Variants in G3BP2 observed in about 807,000 individuals in gnomAD.
G3BP2 encodes ras GTPase-activating protein-binding protein 2.
A neutral mutation model predicts 56.7 loss-of-function variants in G3BP2; 11 were observed. The observed-to-expected ratio is 0.19, with a 90% CI of 0.12 to 0.32. G3BP2 has a LOEUF of 0.32. Ranked by LOEUF, G3BP2 falls within the 10% of genes least tolerant of loss-of-function variation. The pLI is 1.00. For synonymous variants in G3BP2, 165 were observed against 191.6 expected, an observed-to-expected ratio of 0.86 and a Z score of 1.15; for missense variants, 340 against 610.9, an observed-to-expected ratio of 0.56 and a Z score of 4.67.
At position 75,673,279 on chromosome 4, in the gene G3BP2, T is replaced by C. The variant is rs879145741; in HGVS notation, c.-96A>G. 2 of 1,198,988 alleles carry C rather than the reference T, an allele frequency of 1.7e-6. No homozygotes were observed. Among genetic ancestry groups the C allele is most frequent in the African/African-American group, 3.2e-5 (2 of 62,740 alleles). The allele number at this position is 1,198,988 out of a possible 1,614,324, so 74.3% of individuals were successfully genotyped here. ...GTCGCTGAGGACCGGGTGCGGCGGG[T>C]TCTTATTGCTCGCCGCCCCCTTCCT... On this transcript the variant is annotated 5_prime_UTR_variant, in exon 1 of 12. Coordinates refer to ENST00000359707, the MANE Select transcript of G3BP2 (RefSeq NM_203505.3).
chr4:75,678,432 C>A, intron 3 of G3BP2, among the ~76,000 whole-genome samples: 1 of 152,196 alleles, frequency 6.6e-6, no homozygotes, highest in East Asian at 1.9e-4. Context: ...GTTGAGATTA[C>A]GGGCATGAGC....
intron 1 of G3BP2, 157 bp downstream of exon 1, chr4:75,673,051 C>A (rs1203390240): frequency 2.2e-5 from 22 of 998,622 alleles, no homozygotes; most frequent in Non-Finnish European, 2.6e-5. Flanking sequence ...CTCACGCACA[C>A]ACGGCACCGT....
At chr4:75,712,437 C>A (rs191297064) in intron 3 of G3BP2, among the ~76,000 whole-genome samples, 56 of 152,216 alleles carry the variant, frequency 3.7e-4, no homozygotes, top group African/African-American at 1.0e-3. Context: ...TTACTGCCAA[C>A]TGGTATTAAA....
chr4:75,671,482 G>C (rs1461670046), intron 1 of G3BP2, among the ~76,000 whole-genome samples: 2 of 152,152 alleles, frequency 1.3e-5, no homozygotes, highest in African/African-American at 2.4e-5. Context: ...AGTTAAGTTA[G>C]TTACTCTACG....
chr4:75,690,126 C>T (rs371289830), intron 3 of G3BP2, among the ~76,000 whole-genome samples: 9 of 152,070 alleles, frequency 5.9e-5, no homozygotes, highest in African/African-American at 1.2e-4. Flanking sequence ...TTCAATAAAG[C>T]GCCTGGGTTA....
At chr4:75,687,857 G>A (rs1027662470) in intron 3 of G3BP2, among the ~76,000 whole-genome samples, 38 of 152,186 alleles carry the variant, frequency 2.5e-4, no homozygotes, top group African/African-American at 8.9e-4. Context: ...TGTGGAACAT[G>A]GGCCATACAA....
At position 75,673,309 on chromosome 4, in the gene G3BP2, CAACTCGGAA is replaced by C; in HGVS notation, c.-135_-127del. On this transcript the variant is annotated 5_prime_UTR_variant, in exon 1 of 12. Transcript: ENST00000359707. ...ATTGCTCGCCGCCCCCTTCCTCCGA[CAACTCGGAA>C]GCCTCGGAAGCCGGAGAGCCGCGAG... 1 of 1,229,356 alleles carries C rather than the reference CAACTCGGAA, an allele frequency of 8.1e-7. No homozygotes were observed. The highest frequency in any genetic ancestry group is 1.0e-6 in the Non-Finnish European group (1 of 986,552). 76.2% of individuals were successfully genotyped at this position (1,229,356 alleles called of 1,614,324 possible). A position where few individuals can be genotyped will look rare whatever the true frequency, so the allele number is the denominator to read the frequency against.
At chr4:75,717,749 G>A (rs1039288257) in intron 3 of G3BP2, among the ~76,000 whole-genome samples, 1 of 152,154 alleles carries the variant, frequency 6.6e-6, no homozygotes, top group Non-Finnish European at 1.5e-5. Flanking sequence ...GGTGTTGGGG[G>A]AGAGACAATG....
At chr4:75,704,899 C>A (rs1171680341) in intron 3 of G3BP2, among the ~76,000 whole-genome samples, 1 of 152,194 alleles carries the variant, frequency 6.6e-6, no homozygotes, top group Admixed American at 6.5e-5. Flanking sequence ...TCCCAAAGTG[C>A]TAGGATTACA....
intron 8 of G3BP2, among the ~76,000 whole-genome samples, chr4:75,650,157 A>G (rs562435994): frequency 6.3e-4 from 95 of 151,828 alleles, no homozygotes; most frequent in Non-Finnish European, 1.2e-3. Context: ...TCCTTCAGCC[A>G]GGCACAGTAG....
At chr4:75,674,301 A>G (rs1733743612), upstream of G3BP2, among the ~76,000 whole-genome samples, 2 of 152,236 alleles carry the variant, frequency 1.3e-5, no homozygotes, top group Non-Finnish European at 1.5e-5. Context: ...GAAAAAATAC[A>G]TTAATGAATG....
chr4:75,657,637 C>T lies in G3BP2; in HGVS notation c.271G>A (p.Val91Ile). 1.9e-6 allele frequency: 3 copies of T among 1,613,178 alleles called. No individual in the cohort carries two copies. Among genetic ancestry groups the T allele is most frequent in the Non-Finnish European group, 2.5e-6 (3 of 1,179,124 alleles). The change falls in exon 4 of 12, where the codon GTT becomes ATT. Residue 91 changes from valine to isoleucine, a missense_variant. Val to Ile is a conservative substitution (Grantham distance 29). Coordinates refer to ENST00000359707, the MANE Select transcript of G3BP2 (RefSeq NM_203505.3). ...GACAGCAAACCCATGACCTGGACAA[C>T]TACTCCATCACTCAAGGTTGCATGA... is the stretch of plus-strand genomic sequence containing the variant. Reference protein sequence around the residue: ...DAHATLSDGVVVQVMGLLSNS... With the variant: ...DAHATLSDGVIVQVMGLLSNS...
At chr4:75,661,733 T>C (rs1732581438) in intron 2 of G3BP2, 198 bp downstream of exon 2, 1 of 536,334 alleles carries the variant, frequency 1.9e-6, no homozygotes, top group Non-Finnish European at 3.4e-6. Flanking sequence ...TACCAGAATA[T>C]GACATAAAAT....
intron 3 of G3BP2, among the ~76,000 whole-genome samples, chr4:75,701,490 C>T (rs184096268): frequency 1.3e-5 from 2 of 151,856 alleles, no homozygotes; most frequent in African/African-American, 2.4e-5. Flanking sequence ...GGCAATGGCA[C>T]GGATCTTGGC....
chr4:75,661,740 A>G, intron 2 of G3BP2, 191 bp downstream of exon 2: 1 of 550,284 alleles, frequency 1.8e-6, no homozygotes, highest in Non-Finnish European at 3.3e-6. Flanking sequence ...ATATGACATA[A>G]AATGTTTTTA....
At chr4:75,667,855 C>T (rs1326983242) in intron 1 of G3BP2, among the ~76,000 whole-genome samples, 1 of 152,206 alleles carries the variant, frequency 6.6e-6, no homozygotes, top group Non-Finnish European at 1.5e-5. Flanking sequence ...CACCCTTGCA[C>T]TTCAGCCTGG....
intron 9 of G3BP2, 26 bp from the exon 10 acceptor site, chr4:75,647,183 T>G: frequency 6.7e-7 from 1 of 1,487,828 alleles, no homozygotes; most frequent in Non-Finnish European, 9.1e-7. Flanking sequence ...GAGCAGATAC[T>G]AAAGTTTACA....
At chr4:75,692,013 C>T (rs1307692681) in intron 3 of G3BP2, among the ~76,000 whole-genome samples, 4 of 152,118 alleles carry the variant, frequency 2.6e-5, no homozygotes, top group Admixed American at 6.6e-5. Flanking sequence ...TTTAATCTCT[C>T]GGAACTTCAA....
rs1731098336 is a variant in G3BP2 at position 75,644,905 on chromosome 4, G to A, written c.*525C>T. 1 of 152,970 alleles carries A rather than the reference G, an allele frequency of 6.5e-6. No homozygotes were observed. The highest frequency in any genetic ancestry group is 2.4e-5 in the African/African-American group (1 of 41,440). 9.5% of individuals were successfully genotyped at this position (152,970 alleles called of 1,614,324 possible). Reference sequence around the variant, plus strand: ...GAAAAGAAGATGAGATTTTTTCCCTGTTGCCTCCTGTTGCAGATGTCAATG... The same window carrying A: ...GAAAAGAAGATGAGATTTTTTCCCTATTGCCTCCTGTTGCAGATGTCAATG... On this transcript the variant is annotated 3_prime_UTR_variant, in exon 12 of 12. Transcript: ENST00000359707.
Sources: gnomAD v4.1 joint callset for allele counts (sites outside exome capture counted in the v4.1 genomes callset) on GRCh38, gnomAD v4.1.1 for gene constraint, MANE v1.5 for transcripts, NCBI Gene and HGNC (gene_info 2026-07-23, HGNC 2026-07-21) for gene names.